PECAM1: variants seen among roughly 807,000 people sequenced by gnomAD.
The protein encoded by PECAM1 is platelet endothelial cell adhesion molecule.
A neutral mutation model predicts 13.8 loss-of-function variants in PECAM1; 8 were observed. The observed-to-expected ratio is 0.58, with a 90% CI of 0.34 to 1.05. The LOEUF is 1.05. Ranked by LOEUF, PECAM1 falls within the 50% of genes least tolerant of loss-of-function variation. PECAM1 has a pLI of 0.03. For synonymous variants in PECAM1, 136 were observed against 52.6 expected, an observed-to-expected ratio of 2.58 and a Z score of -6.86; for missense variants, 304 against 141.2, an observed-to-expected ratio of 2.15 and a Z score of -5.84.
intron 14 of PECAM1, among the ~76,000 whole-genome samples, chr17:64,334,653 G>A (rs1326208863): frequency 7.9e-5 from 12 of 152,110 alleles, no homozygotes; most frequent in Middle Eastern, 3.4e-3. Context: ...GACTACAGGC[G>A]CCCGCCACCA....
At position 64,378,123 on chromosome 17, in the gene PECAM1, T is replaced by C; in HGVS notation, c.92-6A>G. ...AACACTGTTGATTGTGAAAGCTAAATGCAAAGGGAAGGAAGGCAGACATAC... is the reference window on the plus strand; with the variant it reads ...AACACTGTTGATTGTGAAAGCTAAACGCAAAGGGAAGGAAGGCAGACATAC... On this transcript the variant is annotated splice_region_variant and splice_polypyrimidine_tract_variant and intron_variant, in intron 2 of 15. Coordinates refer to ENST00000563924, the MANE Select transcript of PECAM1 (RefSeq NM_000442.5). 1 of 474,424 alleles carries C rather than the reference T, an allele frequency of 2.1e-6. No individual in the cohort carries two copies. Among genetic ancestry groups the C allele is most frequent in the Non-Finnish European group, 3.9e-6 (1 of 258,722 alleles). The allele number at this position is 474,424 out of a possible 1,614,324, so 29.4% of individuals were successfully genotyped here.
At chr17:64,357,867 G>A (rs1356588918) in intron 7 of PECAM1, among the ~76,000 whole-genome samples, 2 of 152,164 alleles carry the variant, frequency 1.3e-5, no homozygotes, top group African/African-American at 4.8e-5. Context: ...CGTACCATGA[G>A]GTCTGAAGTC....
chr17:64,382,846 C>T (rs1323657551), intron 2 of PECAM1, among the ~76,000 whole-genome samples: 4 of 151,780 alleles, frequency 2.6e-5, no homozygotes, highest in Non-Finnish European at 5.9e-5. Context: ...AGACCAGCCT[C>T]CTGGCTAACA....
In PECAM1 at chr17:64,322,865, G is replaced by T. The variant is rs1024426080; in HGVS notation, c.*951C>A. 6.3e-6 allele frequency: 2 copies of T among 315,082 alleles called. No individual in the cohort carries two copies. Among genetic ancestry groups the T allele is most frequent in the African/African-American group, 2.3e-5 (1 of 44,434 alleles). The allele number at this position is 315,082 out of a possible 1,614,324, so 19.5% of individuals were successfully genotyped here. A position where few individuals can be genotyped will look rare whatever the true frequency, so the allele number is the denominator to read the frequency against. On this transcript the variant is annotated 3_prime_UTR_variant, in exon 16 of 16. Transcript: ENST00000563924. ...TGAGTAGCTGATACTACAGGCATGC[G>T]CCACCACGCCCGGCTAATTCTTGTA...
At position 64,323,671 on chromosome 17, in the gene PECAM1, C is replaced by T. The variant is rs1008810236; in HGVS notation, c.*145G>A. 3.4e-5 allele frequency: 51 copies of T among 1,509,582 alleles called. No homozygotes were observed. Among genetic ancestry groups the T allele is most frequent in the African/African-American group, 8.3e-5 (6 of 71,908 alleles). 93.5% of individuals were successfully genotyped at this position (1,509,582 alleles called of 1,614,324 possible). A position where few individuals can be genotyped will look rare whatever the true frequency, so the allele number is the denominator to read the frequency against. ...AACTTAGCAGGATGGATTTAAGAACCGGCAGCTTAGCCTGAGGAATTGCTG... is the reference window on the plus strand; with the variant it reads ...AACTTAGCAGGATGGATTTAAGAACTGGCAGCTTAGCCTGAGGAATTGCTG... On this transcript the variant is annotated 3_prime_UTR_variant, in exon 16 of 16. Transcript: ENST00000563924.
intron 8 of PECAM1, among the ~76,000 whole-genome samples, chr17:64,355,257 C>A (rs1173615980): frequency 6.6e-6 from 1 of 152,148 alleles, no homozygotes; most frequent in Non-Finnish European, 1.5e-5. Context: ...AGCTGTGGTC[C>A]TCAAGGAGGG....
Position 64,369,850 on chromosome 17 carries a change from C to T in PECAM1, c.867G>A (p.Val289=). 5.0e-6 allele frequency: 2 copies of T among 398,662 alleles called. No homozygotes were observed. The highest frequency in any genetic ancestry group is 8.8e-6 in the Non-Finnish European group (2 of 226,082). The allele number at this position is 398,662 out of a possible 1,614,324, so 24.7% of individuals were successfully genotyped here. Residue 289 remains valine, a synonymous_variant, in exon 5 of 16, where the codon GTG becomes GTA. Transcript: ENST00000563924. ...GCTCCACCATGGCCATGACTGAGTA[C>T]ACAGCCTTGTTGCCATGTCTGTTGT... ...VAHNRHGNKA[V]YSVMAMVEHS... is the part of the protein sequence containing the mutation.
intron 2 of PECAM1, among the ~76,000 whole-genome samples, chr17:64,386,147 T>C (rs2036588618): frequency 6.6e-6 from 1 of 152,068 alleles, no homozygotes; most frequent in Non-Finnish European, 1.5e-5. Flanking sequence ...TGTTCTAGAA[T>C]GAATCCCAGC....
Position 64,323,416 on chromosome 17 carries a change from C to T in PECAM1, c.*400G>A, listed in dbSNP as rs560769609. The T allele has an allele frequency of 1.2e-4, 136 of 1,132,200 alleles. 1 individual carries two copies. Among genetic ancestry groups the T allele is most frequent in the Middle Eastern group, 8.2e-4 (2 of 2,446 alleles). The allele number at this position is 1,132,200 out of a possible 1,614,324, so 70.1% of individuals were successfully genotyped here. A position where few individuals can be genotyped will look rare whatever the true frequency, so the allele number is the denominator to read the frequency against. On this transcript the variant is annotated 3_prime_UTR_variant, in exon 16 of 16. Coordinates refer to ENST00000563924, the MANE Select transcript of PECAM1 (RefSeq NM_000442.5). ...AAAACCAGCCTCTAACCAGGCCATG[C>T]GCTAGAAATGATTGAGTATAAAAAA...
At chr17:64,387,604 C>T (rs1159973347) in intron 2 of PECAM1, among the ~76,000 whole-genome samples, 1 of 152,066 alleles carries the variant, frequency 6.6e-6, no homozygotes, top group Non-Finnish European at 1.5e-5. Flanking sequence ...AGCCTAAGTG[C>T]CTGGCTGGCC....
intron 2 of PECAM1, among the ~76,000 whole-genome samples, chr17:64,380,862 C>T (rs1041055538): frequency 0.052 from 7,901 of 152,206 alleles, 685 homozygotes; most frequent in African/African-American, 0.18. Context: ...TGGCATGCAC[C>T]TGTAATCCCA....
Position 64,355,058 on chromosome 17 carries a change from CA to C in PECAM1, c.1781-19del, listed in dbSNP as rs1322159310. 3 of 474,998 alleles carry C rather than the reference CA, an allele frequency of 6.3e-6. No homozygotes were observed. Among genetic ancestry groups the C allele is most frequent in the East Asian group, 3.1e-5 (1 of 32,036 alleles). 29.4% of individuals were successfully genotyped at this position (474,998 alleles called of 1,614,324 possible). Reference sequence around the variant, plus strand: ...AAGAATGACTGAAAACAAAACAAAACAAAAAATTTTTTTTGTATATAGGCTC... The same window carrying C: ...AAGAATGACTGAAAACAAAACAAAACAAAAATTTTTTTTGTATATAGGCTC... On this transcript the variant is annotated intron_variant, in intron 8 of 15. Coordinates refer to ENST00000563924, the MANE Select transcript of PECAM1 (RefSeq NM_000442.5).
chr17:64,354,586 C>T (rs1394416106), intron 9 of PECAM1, among the ~76,000 whole-genome samples: 3 of 152,158 alleles, frequency 2.0e-5, no homozygotes, highest in Non-Finnish European at 4.4e-5. Flanking sequence ...TAACCCCAAG[C>T]ATAGGGTAGA....
chr17:64,388,421 G>T (rs1263781224), intron 2 of PECAM1, among the ~76,000 whole-genome samples: 4 of 152,104 alleles, frequency 2.6e-5, no homozygotes, highest in African/African-American at 4.8e-5. Flanking sequence ...TCACCTCGAG[G>T]CGGGGGCCAA....
intron 14 of PECAM1, among the ~76,000 whole-genome samples, chr17:64,333,251 G>A (rs189860055): frequency 9.8e-5 from 15 of 152,298 alleles, no homozygotes; most frequent in Admixed American, 5.9e-4. Context: ...GGTAGGGCTG[G>A]TGCCCAGAGC....
At chr17:64,336,212 G>T (rs2035270636) in intron 14 of PECAM1, among the ~76,000 whole-genome samples, 1 of 151,586 alleles carries the variant, frequency 6.6e-6, no homozygotes, top group Non-Finnish European at 1.5e-5. Context: ...GTTGCAGTGA[G>T]CTGCGATCGC....
rs1032152430 is a variant in PECAM1, at chr17:64,345,836, G to A, written c.2107+2424C>T. 5.9e-3 allele frequency among the ~76,000 whole-genome samples: 894 copies of A among 151,652 alleles called. 10 individuals carry two copies. The highest frequency in any genetic ancestry group is 0.02 in the African/African-American group (845 of 41,346). On this transcript the variant is annotated intron_variant, in intron 13 of 15. Coordinates refer to ENST00000563924, the MANE Select transcript of PECAM1 (RefSeq NM_000442.5). ...ATTGGGCAGTACACAACCCCCGGGG[G>A]CCATTCTGTTGGTAGGCTATGGGAA...
At chr17:64,325,745 CACAA>C (rs1404723624) in intron 15 of PECAM1, among the ~76,000 whole-genome samples, 1 of 149,868 alleles carries the variant, frequency 6.7e-6, no homozygotes, top group Admixed American at 6.6e-5. Flanking sequence ...TCAAAAAACA[CACAA>C]ACAAACAAAA....
chr17:64,387,510 GAA>G (rs2036621872), intron 2 of PECAM1, among the ~76,000 whole-genome samples: 1 of 152,178 alleles, frequency 6.6e-6, no homozygotes, highest in African/African-American at 2.4e-5. Context: ...GCCAGAAGCA[GAA>G]ATAGAGATTC....
Sources: gnomAD v4.1 joint callset for allele counts (sites outside exome capture counted in the v4.1 genomes callset) on GRCh38, gnomAD v4.1.1 for gene constraint, MANE v1.5 for transcripts, NCBI Gene and HGNC (gene_info 2026-07-23, HGNC 2026-07-21) for gene names.